The following ERC2 variants were observed in gnomAD, a reference collection of about 807,000 sequenced individuals.
ERC2 encodes ERC protein 2.
Under a neutral mutation model 114.8 loss-of-function variants are expected in ERC2, and 42 were observed. The ratio of observed to expected loss-of-function variants is 0.37; its 90% CI spans 0.29 to 0.47. The LOEUF is 0.47. Among genes scored for constraint, ERC2 ranks in the 20% least tolerant of loss-of-function variants. ERC2 has a pLI of 0.99. For missense variants in ERC2, 939 were observed against 1,150.7 expected (o/e 0.82, Z 2.66); for synonymous variants, 454 against 425.5 (o/e 1.07, Z -0.82).
chr3:55,813,873 T>G (rs2059810107), intron 14 of ERC2, among the ~76,000 whole-genome samples: 1 of 152,170 alleles, frequency 6.6e-6, no homozygotes, highest in Non-Finnish European at 1.5e-5. Flanking sequence ...GCTCATTTAG[T>G]CAACCACTCT....
In ERC2 at chr3:55,854,933, G is replaced by C. The variant is rs150609996; in HGVS notation, c.2564+33456C>G. The stretch of plus-strand genomic sequence containing the variant: ...CTCCCCGGAAGCTCAGCTGTAAATA[G>C]AGACCCTCACATCCTTGTTTGATGT... On this transcript the variant is annotated intron_variant, in intron 14 of 17. Transcript: ENST00000288221. Among the ~76,000 whole-genome samples the C allele has an allele frequency of 6.8e-4, 104 of 152,250 alleles. No individual in the cohort carries two copies. In the East Asian group the frequency reaches 0.01, roughly 15 times the overall value.
intron 14 of ERC2, among the ~76,000 whole-genome samples, chr3:55,755,959 A>AT (rs1442025530): frequency 6.6e-6 from 1 of 152,142 alleles, no homozygotes; most frequent in East Asian, 1.9e-4. Flanking sequence ...GAGCCTTGTG[A>AT]TTTTGCAAAC....
chr3:55,780,888 C>G (rs1242670236), intron 14 of ERC2, among the ~76,000 whole-genome samples: 23 of 152,212 alleles, frequency 1.5e-4, no homozygotes, highest in Non-Finnish European at 1.5e-5. Flanking sequence ...TGTGTGATAG[C>G]AAATGATACG....
At chr3:56,460,656 G>A (rs2063269828) in intron 1 of ERC2, among the ~76,000 whole-genome samples, 2 of 152,146 alleles carry the variant, frequency 1.3e-5, no homozygotes. Context: ...TGGAGTATTA[G>A]CTCCAAGTAG....
chr3:55,734,792 T>C lies in ERC2; in HGVS notation c.2691A>G (p.Leu897=), dbSNP rs1461063805. The change falls in exon 15 of 18, where the codon CTA becomes CTG. Residue 897 remains leucine, a synonymous_variant. Transcript: ENST00000288221. ...CCACCTGCTGCTTTAATTGATGTAC[T>C]AGTCGGTCTTTTTCCCGCTTGAGGG... ...VMALKREKDR[L]VHQLKQQTQN... is the part of the protein sequence containing the mutation. 6.2e-7 allele frequency: 1 copy of C among 1,612,734 alleles called. No individual in the cohort carries two copies. Among genetic ancestry groups the C allele is most frequent in the Non-Finnish European group, 8.5e-7 (1 of 1,179,424 alleles).
chr3:56,071,997 C>A (rs2076761227), intron 7 of ERC2: 1 of 152,188 alleles, frequency 6.6e-6, no homozygotes. Flanking sequence ...ATAATTCCAG[C>A]CAAGTGCAGC....
intron 15 of ERC2, among the ~76,000 whole-genome samples, chr3:55,730,735 G>A (rs1356961012): frequency 6.6e-6 from 1 of 152,196 alleles, no homozygotes; most frequent in East Asian, 1.9e-4. Flanking sequence ...AGCTAGGAAA[G>A]GTGGGGCATG....
intron 17 of ERC2, among the ~76,000 whole-genome samples, chr3:55,667,891 T>C (rs1413104286): frequency 6.6e-6 from 1 of 152,184 alleles, no homozygotes; most frequent in Non-Finnish European, 1.5e-5. Context: ...TTTCTCAGCT[T>C]CAGCACTATT....
At chr3:55,624,562 C>CTAGACA (rs1183589538) in intron 17 of ERC2, among the ~76,000 whole-genome samples, 2 of 152,170 alleles carry the variant, frequency 1.3e-5, no homozygotes, top group African/African-American at 2.4e-5. Context: ...TGGCCAGTGA[C>CTAGACA]TAGACATGAG....
intron 7 of ERC2, among the ~76,000 whole-genome samples, chr3:56,041,151 G>A (rs1334048042): frequency 6.6e-6 from 1 of 152,062 alleles, no homozygotes; most frequent in Admixed American, 6.6e-5. Context: ...GGTATGACAG[G>A]TGATTTTCTA....
At chr3:56,081,322 T>G (rs1210834691) in intron 6 of ERC2, among the ~76,000 whole-genome samples, 3 of 152,224 alleles carry the variant, frequency 2.0e-5, no homozygotes, top group Non-Finnish European at 4.4e-5. Context: ...CATGTCTCTC[T>G]GAGAGTCCAG....
intron 3 of ERC2, among the ~76,000 whole-genome samples, chr3:56,216,318 C>T (rs1575880360): frequency 6.6e-6 from 1 of 152,132 alleles, no homozygotes; most frequent in East Asian, 1.9e-4. Context: ...GATATCACCA[C>T]CGATCCCACA....
intron 2 of ERC2, among the ~76,000 whole-genome samples, chr3:56,424,384 A>C (rs1576895170): frequency 1.3e-5 from 2 of 152,312 alleles, no homozygotes; most frequent in Non-Finnish European, 2.9e-5. Context: ...GGTCCAGCAC[A>C]CAAGAATGTT....
At chr3:56,105,857 T>G (rs1175749149) in intron 6 of ERC2, among the ~76,000 whole-genome samples, 1 of 152,200 alleles carries the variant, frequency 6.6e-6, no homozygotes, top group Non-Finnish European at 1.5e-5. Context: ...AGGCATTTAA[T>G]ATAACTTCTA....
At chr3:56,358,964 A>G (rs73090555) in intron 2 of ERC2, among the ~76,000 whole-genome samples, 4,726 of 152,338 alleles carry the variant, frequency 0.031, 148 homozygotes, top group African/African-American at 0.073. Flanking sequence ...AGAGAATGAA[A>G]AGCAATAAAA....
intron 1 of ERC2, among the ~76,000 whole-genome samples, chr3:56,444,055 C>T (rs927534108): frequency 6.7e-6 from 1 of 150,026 alleles, no homozygotes; most frequent in East Asian, 2.0e-4. Context: ...CTCCGCCTCC[C>T]GGGTTCACGC....
At chr3:55,731,234 C>G (rs893978693) in intron 15 of ERC2, among the ~76,000 whole-genome samples, 1 of 152,216 alleles carries the variant, frequency 6.6e-6, no homozygotes, top group Non-Finnish European at 1.5e-5. Context: ...CATCTATCTG[C>G]TCTTTCTGCC....
At chr3:56,088,539 C>T (rs1363960874) in intron 6 of ERC2, among the ~76,000 whole-genome samples, 5 of 151,780 alleles carry the variant, frequency 3.3e-5, no homozygotes, top group East Asian at 3.9e-4. Context: ...GGAGTAGACA[C>T]GGGGGTTAAA....
chr3:55,583,538 T>C (rs1220231589), intron 17 of ERC2, among the ~76,000 whole-genome samples: 23 of 51,682 alleles, frequency 4.5e-4, no homozygotes, highest in Non-Finnish European at 6.0e-4. Flanking sequence ...CCTTCCTTCC[T>C]TCCTTTCTTC....
Sources: allele counts gnomAD v4.1 joint callset (sites outside exome capture counted in the v4.1 genomes callset), GRCh38; gene constraint gnomAD v4.1.1; transcripts MANE v1.5; gene names NCBI Gene and HGNC (gene_info 2026-07-23, HGNC 2026-07-21).